Variants in TSPAN32 observed in about 807,000 individuals in gnomAD.
TSPAN32 encodes tetraspanin 32.
In TSPAN32, 47 loss-of-function variants were observed where a neutral mutation model predicts 42.7. The observed-to-expected ratio is 1.10, with a 90% confidence interval of 0.87 to 1.40. The LOEUF (loss-of-function observed/expected upper bound fraction) is 1.40, where lower values mean the gene tolerates loss of function less well. TSPAN32 is among the 40% of genes most tolerant of loss of function. The pLI is 0.00. For missense variants in TSPAN32, 469 were observed against 424.1 expected (o/e 1.11, Z -0.93); for synonymous variants, 175 against 175.9 (o/e 0.99, Z 0.04).
intron 6 of TSPAN32, chr11:2,315,151 C>T (rs997229178): frequency 2.7e-5 from 21 of 782,080 alleles, no homozygotes; most frequent in Admixed American, 1.5e-4. Flanking sequence ...TCCTGGTGCC[C>T]GGCAGCCCTC....
chr11:2,310,458 C>T (rs1295147588), intron 4 of TSPAN32, among the ~76,000 whole-genome samples: 1 of 152,186 alleles, frequency 6.6e-6, no homozygotes, highest in Non-Finnish European at 1.5e-5. Flanking sequence ...CTTCAGGGGT[C>T]AGTTCTCAGG....
chr11:2,316,724 G>C, intron 8 of TSPAN32, 57 bp downstream of exon 8: 1 of 1,489,188 alleles, frequency 6.7e-7, no homozygotes, highest in Non-Finnish European at 9.0e-7. Context: ...CTCTGCTCGA[G>C]AGGCATCTGC....
In TSPAN32 at chr11:2,304,297, G is replaced by C. The variant is rs1847941012; in HGVS notation, c.279+93G>C. 1 of 924,456 alleles carries C rather than the reference G, an allele frequency of 1.1e-6. No homozygotes were observed. The highest frequency in any genetic ancestry group is 2.9e-5 in the Admixed American group (1 of 34,884). The allele number at this position is 924,456 out of a possible 1,614,324, so 57.3% of individuals were successfully genotyped here. A position where few individuals can be genotyped will look rare whatever the true frequency, so the allele number is the denominator to read the frequency against. On this transcript the variant is annotated intron_variant, in intron 3 of 9. Transcript: ENST00000182290. This position sits in a 1 kb window ranked among gnomAD's most constrained non-coding sequence, Gnocchi z 4.8. ...AGGGCTGTGTGCCACCCCCACACCTGAGTGACCAGGCAGAACCAGAGGCCC... is the reference window on the plus strand; with the variant it reads ...AGGGCTGTGTGCCACCCCCACACCTCAGTGACCAGGCAGAACCAGAGGCCC...
At position 2,302,040 on chromosome 11, in the gene TSPAN32, G is replaced by A. The variant is rs1847780775; in HGVS notation, c.-110G>A. On this transcript the variant is annotated 5_prime_UTR_variant, in exon 1 of 10. Transcript: ENST00000182290. ...GGCGATGTTGACAGACAGACAGAGG[G>A]GCGGATGCAGCCTACCTCCTGGGCA... is the stretch of plus-strand genomic sequence containing the variant. 1.3e-6 allele frequency: 2 copies of A among 1,494,838 alleles called. No individual in the cohort carries two copies. The highest frequency in any genetic ancestry group is 2.8e-5 in the African/African-American group (2 of 71,404). 92.6% of individuals were successfully genotyped at this position (1,494,838 alleles called of 1,614,324 possible).
chr11:2,315,742 G>A, intron 6 of TSPAN32: 1 of 1,236,688 alleles, frequency 8.1e-7, no homozygotes, highest in Non-Finnish European at 1.0e-6. Flanking sequence ...TGGGTGCCAT[G>A]CCCTGGGGTG....
intron 4 of TSPAN32, among the ~76,000 whole-genome samples, chr11:2,311,049 G>C (rs543286401): frequency 6.6e-6 from 1 of 152,354 alleles, no homozygotes; most frequent in Non-Finnish European, 1.5e-5. Context: ...TGAGAGCCGG[G>C]GGCCCAGAGC....
At chr11:2,303,152 A>G (rs1430625574) in intron 2 of TSPAN32, 194 bp downstream of exon 2, 9 of 579,594 alleles carry the variant, frequency 1.6e-5, no homozygotes, top group Non-Finnish European at 2.8e-5. Flanking sequence ...GGTGACAGCC[A>G]GTGTTCCTGC....
intron 6 of TSPAN32, chr11:2,315,500 G>GA (rs1186266207): frequency 8.7e-7 from 1 of 1,153,036 alleles, no homozygotes; most frequent in Non-Finnish European, 1.1e-6. Flanking sequence ...GGGATGGCAG[G>GA]GCCATGGGCC....
chr11:2,317,487 C>T lies in TSPAN32; in HGVS notation c.863C>T (p.Ala288Val), dbSNP rs753797693. ...CGGTGGCTGCAGGAGAGCGATGCTG[C>T]GCCTCTGCCCCTCTCCTGCCACCTG... ...SLRWLQESDA[A>V]PLPLSCHLAA... The change falls in exon 9 of 10, where the codon GCG becomes GTG. Residue 288 changes from alanine (A) to valine (V), a missense_variant. By Grantham distance (64) the Ala-to-Val change is moderately conservative. Coordinates refer to ENST00000182290, the MANE Select transcript of TSPAN32 (RefSeq NM_139022.3). This position sits in a 1 kb window ranked among gnomAD's most constrained non-coding sequence, Gnocchi z 6.2. 101 of 1,594,706 alleles carry T rather than the reference C, an allele frequency of 6.3e-5. No individual in the cohort carries two copies. The highest frequency in any genetic ancestry group is 8.0e-5 in the Non-Finnish European group (94 of 1,171,616).
Sources: gnomAD v4.1 joint callset for allele counts (sites outside exome capture counted in the v4.1 genomes callset) on GRCh38, gnomAD v4.1.1 for gene constraint, Gnocchi (gnomAD v3.1) non-coding constraint, MANE v1.5 for transcripts, NCBI Gene and HGNC (gene_info 2026-07-23, HGNC 2026-07-21) for gene names.